EBF1: variants seen among roughly 807,000 people sequenced by gnomAD.
EBF1 encodes the protein EBF transcription factor 1.
Under a neutral mutation model 68.4 loss-of-function variants are expected in EBF1, and 10 were observed. The observed-to-expected ratio is 0.15, with a 90% CI of 0.09 to 0.25. EBF1 has a LOEUF of 0.25. Ranked by LOEUF, EBF1 falls within the 10% of genes least tolerant of loss-of-function variation. EBF1 has a pLI of 1.00. For synonymous variants in EBF1, 298 were observed against 299.8 expected, an observed-to-expected ratio of 0.99 and a Z score of 0.06; for missense variants, 509 against 794.4, an observed-to-expected ratio of 0.64 and a Z score of 4.32.
At chr5:158,746,050 T>C (rs888280971) in intron 10 of EBF1, among the ~76,000 whole-genome samples, 4 of 152,222 alleles carry the variant, frequency 2.6e-5, no homozygotes, top group Non-Finnish European at 4.4e-5. Flanking sequence ...GTTAAGTTTT[T>C]ATTACTACTG....
intron 6 of EBF1, among the ~76,000 whole-genome samples, chr5:158,909,536 G>A (rs1271650668): frequency 6.6e-6 from 1 of 152,144 alleles, no homozygotes; most frequent in Non-Finnish European, 1.5e-5. Context: ...TGCCAGGCAT[G>A]ACTGATCATT....
intron 6 of EBF1, among the ~76,000 whole-genome samples, chr5:158,996,611 G>A (rs1003394165): frequency 3.3e-5 from 5 of 152,140 alleles, no homozygotes; most frequent in Admixed American, 3.3e-4. Context: ...GGAAAGTGAG[G>A]CGAATCTTAA....
intron 11 of EBF1, among the ~76,000 whole-genome samples, chr5:158,717,392 C>A (rs1417417242): frequency 6.6e-6 from 1 of 152,084 alleles, no homozygotes; most frequent in African/African-American, 2.4e-5. Context: ...TTCTTAAATT[C>A]TTATTTTTTG....
At chr5:159,014,118 A>G (rs1765194843) in intron 6 of EBF1, among the ~76,000 whole-genome samples, 1 of 152,260 alleles carries the variant, frequency 6.6e-6, no homozygotes, top group South Asian at 2.1e-4. Context: ...AGAGAAAGAA[A>G]GTCAACATTA....
At chr5:158,920,202 G>A (rs1462131412) in intron 6 of EBF1, among the ~76,000 whole-genome samples, 1 of 151,938 alleles carries the variant, frequency 6.6e-6, no homozygotes, top group African/African-American at 2.4e-5. Flanking sequence ...TATGCTTAAT[G>A]TAATCTTCTT....
intron 6 of EBF1, among the ~76,000 whole-genome samples, chr5:159,072,851 T>C (rs1347471816): frequency 1.3e-5 from 2 of 152,140 alleles, no homozygotes; most frequent in African/African-American, 4.8e-5. Context: ...ACAAGCAGGA[T>C]AAATTAATCA....
chr5:158,730,297 G>A (rs1304424240), intron 11 of EBF1, among the ~76,000 whole-genome samples: 1 of 152,142 alleles, frequency 6.6e-6, no homozygotes, highest in East Asian at 1.9e-4. Context: ...TTTCTTTAAT[G>A]TGCTATTATT....
chr5:159,071,439 T>G (rs549977523), intron 6 of EBF1, among the ~76,000 whole-genome samples: 8 of 152,326 alleles, frequency 5.3e-5, no homozygotes, highest in African/African-American at 1.9e-4. Flanking sequence ...GCATACTTAT[T>G]TTGCCTAAAT....
At chr5:158,897,512 C>T (rs1370785161) in intron 6 of EBF1, among the ~76,000 whole-genome samples, 2 of 152,066 alleles carry the variant, frequency 1.3e-5, no homozygotes, top group Admixed American at 1.3e-4. Flanking sequence ...AACAAACCCC[C>T]ATGACACACG....
intron 15 of EBF1, among the ~76,000 whole-genome samples, chr5:158,702,641 G>T (rs1756987455): frequency 6.6e-6 from 1 of 150,624 alleles, no homozygotes; most frequent in Admixed American, 6.7e-5. Context: ...TCACTCAGGA[G>T]GCTGAGGCAG....
At chr5:158,970,993 C>A (rs964711826) in intron 6 of EBF1, among the ~76,000 whole-genome samples, 5 of 152,106 alleles carry the variant, frequency 3.3e-5, no homozygotes, top group African/African-American at 1.2e-4. Flanking sequence ...CAAGACTGGT[C>A]AAAGCACTAG....
At chr5:158,870,058 T>C (rs1796615312) in intron 6 of EBF1, among the ~76,000 whole-genome samples, 1 of 152,172 alleles carries the variant, frequency 6.6e-6, no homozygotes, top group South Asian at 2.1e-4. Context: ...GTGCACTTCA[T>C]GCCAAAACAA....
At chr5:158,768,547 G>A (rs1231050389) in intron 10 of EBF1, among the ~76,000 whole-genome samples, 3 of 152,062 alleles carry the variant, frequency 2.0e-5, no homozygotes, top group Non-Finnish European at 4.4e-5. Flanking sequence ...TTTTAATTAT[G>A]TTTTATTGGT....
chr5:159,072,149 A>T (rs1777907958), intron 6 of EBF1, among the ~76,000 whole-genome samples: 1 of 152,170 alleles, frequency 6.6e-6, no homozygotes, highest in African/African-American at 2.4e-5. Context: ...CAAATATACT[A>T]ATACTCTTAT....
At chr5:158,877,297 G>A (rs1221169249) in intron 6 of EBF1, among the ~76,000 whole-genome samples, 1 of 152,140 alleles carries the variant, frequency 6.6e-6, no homozygotes, top group Non-Finnish European at 1.5e-5. Flanking sequence ...CCCTGAATGG[G>A]TTAATCTTTT....
At chr5:159,043,841 C>T (rs114924220) in intron 6 of EBF1, among the ~76,000 whole-genome samples, 77 of 152,268 alleles carry the variant, frequency 5.1e-4, no homozygotes, top group African/African-American at 1.8e-3. Context: ...CTCACCAAGA[C>T]ACTACTCCAG....
chr5:159,080,510 G>C (rs1006879965), intron 5 of EBF1, among the ~76,000 whole-genome samples: 1 of 152,138 alleles, frequency 6.6e-6, no homozygotes, highest in Non-Finnish European at 1.5e-5. Flanking sequence ...AATGAACAAA[G>C]TGCATGAATG....
At chr5:159,060,928 CTACA>C (rs1218483957) in intron 6 of EBF1, among the ~76,000 whole-genome samples, 1 of 98,296 alleles carries the variant, frequency 1.0e-5, no homozygotes, top group African/African-American at 4.4e-5. Context: ...AGGGTTAAAG[CTACA>C]TACACACACA....
intron 10 of EBF1, among the ~76,000 whole-genome samples, chr5:158,747,557 A>T (rs969283171): frequency 1.3e-5 from 2 of 152,076 alleles, no homozygotes; most frequent in African/African-American, 2.4e-5. Flanking sequence ...ACAAACACCA[A>T]CTAAAAGGAA....
Sources: gnomAD v4.1 joint callset for allele counts (sites outside exome capture counted in the v4.1 genomes callset) on GRCh38, gnomAD v4.1.1 for gene constraint, MANE v1.5 for transcripts, NCBI Gene and HGNC (gene_info 2026-07-23, HGNC 2026-07-21) for gene names.